CDH13: variants seen among roughly 807,000 people sequenced by gnomAD.
CDH13 encodes cadherin-13.
Under a neutral mutation model 63.8 loss-of-function variants are expected in CDH13, and 24 were observed. That is an observed-to-expected ratio of 0.38 (90% confidence interval 0.27 to 0.53). The LOEUF (loss-of-function observed/expected upper bound fraction) is 0.53. Ranked by LOEUF, CDH13 falls within the 20% of genes least tolerant of loss-of-function variation. The probability of loss-of-function intolerance (pLI) is 0.85; values close to 1 mark genes in which losing one functional copy is unlikely to be tolerated. For synonymous variants in CDH13, 503 were observed against 355.3 expected, an observed-to-expected ratio of 1.42 and a Z score of -4.67; for missense variants, 1,049 against 903.1, an observed-to-expected ratio of 1.16 and a Z score of -2.07.
At chr16:82,978,409 T>C (rs889841387) in intron 2 of CDH13, among the ~76,000 whole-genome samples, 2 of 152,218 alleles carry the variant, frequency 1.3e-5, no homozygotes, top group Non-Finnish European at 2.9e-5. Context: ...TCAGGGGTCT[T>C]CATGGCAGCC....
intron 6 of CDH13, among the ~76,000 whole-genome samples, chr16:83,441,732 C>T (rs915862764): frequency 3.3e-5 from 5 of 151,930 alleles, no homozygotes; most frequent in Admixed American, 2.0e-4. Flanking sequence ...CGGATAGAAA[C>T]GGTGTCTGGG....
chr16:82,885,533 A>G (rs1417111145), intron 2 of CDH13, among the ~76,000 whole-genome samples: 2 of 150,618 alleles, frequency 1.3e-5, no homozygotes, highest in African/African-American at 4.9e-5. Context: ...CCATCCATCC[A>G]TCCATCCATC....
At chr16:83,058,479 C>T (rs528477605) in intron 3 of CDH13, among the ~76,000 whole-genome samples, 1 of 152,294 alleles carries the variant, frequency 6.6e-6, no homozygotes, top group African/African-American at 2.4e-5. Flanking sequence ...CTTGTGACCT[C>T]ACTGATGACA....
At chr16:83,193,702 G>T (rs1210872468) in intron 4 of CDH13, among the ~76,000 whole-genome samples, 1 of 152,086 alleles carries the variant, frequency 6.6e-6, no homozygotes, top group Non-Finnish European at 1.5e-5. Context: ...TAAATCACTG[G>T]CTCCTTTTCT....
intron 1 of CDH13, among the ~76,000 whole-genome samples, chr16:82,762,148 C>T (rs2034878779): frequency 6.6e-6 from 1 of 152,110 alleles, no homozygotes; most frequent in Non-Finnish European, 1.5e-5. Context: ...TCTTTTCCCC[C>T]AAGTGACCTG....
chr16:83,354,605 C>G (rs956359255), intron 6 of CDH13, among the ~76,000 whole-genome samples: 10 of 152,306 alleles, frequency 6.6e-5, no homozygotes, highest in African/African-American at 2.4e-4. Flanking sequence ...GAAAAGTCCT[C>G]TCTAAAGAGG....
chr16:82,930,192 G>A (rs1176501889), intron 2 of CDH13, among the ~76,000 whole-genome samples: 6 of 151,966 alleles, frequency 3.9e-5, no homozygotes, highest in Non-Finnish European at 7.4e-5. Context: ...GGCTAGGCTG[G>A]TCTCGAACTC....
At chr16:83,247,902 G>C (rs908259771) in intron 5 of CDH13, among the ~76,000 whole-genome samples, 34 of 152,156 alleles carry the variant, frequency 2.2e-4, no homozygotes, top group Non-Finnish European at 4.9e-4. Context: ...GAGAGCTACT[G>C]TTCTTTAAAT....
At chr16:83,211,458 T>C (rs561997431) in intron 4 of CDH13, among the ~76,000 whole-genome samples, 1 of 152,232 alleles carries the variant, frequency 6.6e-6, no homozygotes, top group Non-Finnish European at 1.5e-5. Context: ...AATGACCTTA[T>C]TTATGTAAAA....
intron 1 of CDH13, among the ~76,000 whole-genome samples, chr16:82,803,217 A>G (rs549644387): frequency 6.6e-6 from 1 of 152,230 alleles, no homozygotes; most frequent in Non-Finnish European, 1.5e-5. Context: ...TGTGTAGTCC[A>G]TGGTGCTTGA....
At chr16:82,764,268 A>C (rs1201032077) in intron 1 of CDH13, among the ~76,000 whole-genome samples, 1 of 152,214 alleles carries the variant, frequency 6.6e-6, no homozygotes, top group Non-Finnish European at 1.5e-5. Context: ...TGGGGGATCT[A>C]GAAACTGAAT....
At chr16:83,334,341 CCTCTCT>C (rs370037527) in intron 5 of CDH13, among the ~76,000 whole-genome samples, 6 of 109,168 alleles carry the variant, frequency 5.5e-5, no homozygotes, top group Non-Finnish European at 8.9e-5. Flanking sequence ...TCCCTTTCTC[CCTCTCT>C]CTCTCTCTCT....
chr16:82,648,188 A>G (rs940850404), intron 1 of CDH13, among the ~76,000 whole-genome samples: 3 of 152,228 alleles, frequency 2.0e-5, no homozygotes, highest in African/African-American at 7.2e-5. Flanking sequence ...AAAATGGACT[A>G]ATACAGTATC....
intron 8 of CDH13, among the ~76,000 whole-genome samples, chr16:83,611,234 C>G (rs1239761044): frequency 6.6e-6 from 1 of 151,938 alleles, no homozygotes; most frequent in South Asian, 2.1e-4. Context: ...TACACTCTGG[C>G]TTTCCTCTTC....
intron 5 of CDH13, among the ~76,000 whole-genome samples, chr16:83,318,514 C>A (rs994559435): frequency 1.3e-5 from 2 of 152,170 alleles, no homozygotes; most frequent in African/African-American, 2.4e-5. Flanking sequence ...CCACATGAAA[C>A]CTGATTCTGT....
chr16:83,431,191 C>T (rs2072093012), intron 6 of CDH13, among the ~76,000 whole-genome samples: 1 of 151,664 alleles, frequency 6.6e-6, no homozygotes, highest in Admixed American at 6.6e-5. Flanking sequence ...TGTATATGTG[C>T]CACATTTTCT....
chr16:82,955,737 C>T (rs1162132573), intron 2 of CDH13, among the ~76,000 whole-genome samples: 1 of 152,136 alleles, frequency 6.6e-6, no homozygotes, highest in African/African-American at 2.4e-5. Context: ...TTAGTCATTG[C>T]TGGGATTCTC....
intron 10 of CDH13, among the ~76,000 whole-genome samples, chr16:83,734,060 C>A (rs914466998): frequency 2.6e-5 from 4 of 152,126 alleles, no homozygotes; most frequent in Non-Finnish European, 5.9e-5. Flanking sequence ...CTTACCTCCC[C>A]TCCTGTGACC....
chr16:82,675,355 G>T (rs1913775076), intron 1 of CDH13, among the ~76,000 whole-genome samples: 1 of 152,014 alleles, frequency 6.6e-6, no homozygotes, highest in South Asian at 2.1e-4. Flanking sequence ...ATACCAATGG[G>T]GACTGAAGAA....
Sources: gnomAD v4.1 joint callset for allele counts (sites outside exome capture counted in the v4.1 genomes callset) on GRCh38, gnomAD v4.1.1 for gene constraint, MANE v1.5 for transcripts, NCBI Gene and HGNC (gene_info 2026-07-23, HGNC 2026-07-21) for gene names.